The following KCND2 variants were observed in gnomAD, a reference collection of about 807,000 sequenced individuals.
KCND2 encodes the protein A-type voltage-gated potassium channel KCND2.
A neutral mutation model predicts 54.4 loss-of-function variants in KCND2; 16 were observed. That is an observed-to-expected ratio of 0.29 (90% CI 0.20 to 0.45). The LOEUF (loss-of-function observed/expected upper bound fraction) is 0.45, where lower values mean the gene tolerates loss of function less well. KCND2 is among the 20% of genes least tolerant of loss of function. The probability of loss-of-function intolerance (pLI) is 1.00; values close to 1 mark genes in which losing one functional copy is unlikely to be tolerated. For synonymous variants in KCND2, 317 were observed against 310.7 expected (o/e 1.02, Z -0.21); for missense variants, 486 against 824.2 (o/e 0.59, Z 5.02).
intron 1 of KCND2, among the ~76,000 whole-genome samples, chr7:120,473,558 G>T (rs1343335728): frequency 1.3e-5 from 2 of 152,106 alleles, no homozygotes; most frequent in Non-Finnish European, 2.9e-5. Context: ...CTATTCTTGT[G>T]TCAGGATAGC....
intron 1 of KCND2, among the ~76,000 whole-genome samples, chr7:120,352,686 C>T (rs999109275): frequency 3.9e-5 from 6 of 152,084 alleles, no homozygotes; most frequent in Admixed American, 6.6e-5. Flanking sequence ...TCTTGTTATA[C>T]AATTTAGCTT....
At chr7:120,651,829 A>C (rs1028233026) in intron 1 of KCND2, among the ~76,000 whole-genome samples, 1 of 152,140 alleles carries the variant, frequency 6.6e-6, no homozygotes, top group African/African-American at 2.4e-5. Context: ...TCCACCTTAA[A>C]TTAAGTATCT....
chr7:120,391,540 G>A (rs760276532), intron 1 of KCND2, among the ~76,000 whole-genome samples: 1 of 152,002 alleles, frequency 6.6e-6, no homozygotes, highest in African/African-American at 2.4e-5. Flanking sequence ...CCAACAGTGT[G>A]AAAGAGTCCC....
chr7:120,696,174 T>C (rs1792330829), intron 1 of KCND2, among the ~76,000 whole-genome samples: 1 of 152,188 alleles, frequency 6.6e-6, no homozygotes, highest in Admixed American at 6.5e-5. Context: ...CAACCCAATA[T>C]TATATTATTT....
At position 120,732,886 on chromosome 7, in the gene KCND2, T is replaced by C. The variant is rs1792824909; in HGVS notation, c.1116-17T>C. 6.2e-7 allele frequency: 1 copy of C among 1,604,218 alleles called. No homozygotes were observed. The highest frequency in any genetic ancestry group is 1.3e-5 in the African/African-American group (1 of 74,678). On this transcript the variant is annotated splice_polypyrimidine_tract_variant and intron_variant, in intron 1 of 5. Coordinates refer to ENST00000331113, the MANE Select transcript of KCND2 (RefSeq NM_012281.3). ...TGTGACTTAAAACAATATATATATA[T>C]TTTTTCTTTAACTCAGGTATGGTGA...
chr7:120,443,782 T>C (rs1801979131), intron 1 of KCND2, among the ~76,000 whole-genome samples: 1 of 151,996 alleles, frequency 6.6e-6, no homozygotes. Context: ...TCAACTGGAG[T>C]GCTTTTGGCT....
At chr7:120,393,523 A>C (rs993278532) in intron 1 of KCND2, among the ~76,000 whole-genome samples, 2 of 151,982 alleles carry the variant, frequency 1.3e-5, no homozygotes, top group African/African-American at 4.8e-5. Flanking sequence ...GACGTCTACA[A>C]TGTTGTAGGT....
intron 1 of KCND2, among the ~76,000 whole-genome samples, chr7:120,704,290 A>G (rs1039825996): frequency 2.6e-5 from 4 of 152,164 alleles, no homozygotes; most frequent in Non-Finnish European, 4.4e-5. Flanking sequence ...GAATTTCATA[A>G]TATTCTGGTT....
chr7:120,361,216 GA>G (rs35240707), intron 1 of KCND2, among the ~76,000 whole-genome samples: 1 of 151,572 alleles, frequency 6.6e-6, no homozygotes, highest in Non-Finnish European at 1.5e-5. Flanking sequence ...CCTTAACCTT[GA>G]AAAAAAGGGG....
At chr7:120,564,268 A>G (rs1254321677) in intron 1 of KCND2, among the ~76,000 whole-genome samples, 1 of 152,176 alleles carries the variant, frequency 6.6e-6, no homozygotes, top group Admixed American at 6.5e-5. Flanking sequence ...AGCTGCTTTT[A>G]CAAGCAGCTT....
At chr7:120,571,868 CT>C (rs1458551767) in intron 1 of KCND2, among the ~76,000 whole-genome samples, 1 of 152,170 alleles carries the variant, frequency 6.6e-6, no homozygotes, top group African/African-American at 2.4e-5. Context: ...AACTAGAATA[CT>C]TTTTCTTCTT....
intron 1 of KCND2, among the ~76,000 whole-genome samples, chr7:120,678,521 T>C (rs932581389): frequency 6.8e-6 from 1 of 147,466 alleles, no homozygotes; most frequent in Non-Finnish European, 1.5e-5. Flanking sequence ...TATACATACA[T>C]ACACATAAAT....
At chr7:120,281,442 A>C (rs374788411) in intron 1 of KCND2, among the ~76,000 whole-genome samples, 2 of 127,380 alleles carry the variant, frequency 1.6e-5, no homozygotes, top group African/African-American at 5.7e-5. Flanking sequence ...AAAAAAAAAA[A>C]CCCCAGGGTG....
intron 1 of KCND2, among the ~76,000 whole-genome samples, chr7:120,517,260 G>A (rs1803209193): frequency 1.3e-5 from 2 of 151,992 alleles, no homozygotes; most frequent in Admixed American, 6.6e-5. Context: ...ACTGATGAGA[G>A]TCAGACTTTG....
intron 1 of KCND2, among the ~76,000 whole-genome samples, chr7:120,310,681 C>G (rs1331721760): frequency 6.6e-6 from 1 of 151,946 alleles, no homozygotes; most frequent in Non-Finnish European, 1.5e-5. Context: ...CGTGGTGGCT[C>G]ATCCCAGCAC....
At chr7:120,645,212 C>T (rs1793424431) in intron 1 of KCND2, among the ~76,000 whole-genome samples, 2 of 152,154 alleles carry the variant, frequency 1.3e-5, no homozygotes, top group African/African-American at 4.8e-5. Flanking sequence ...ATAAGCCGGC[C>T]GCTTGATAAA....
intron 1 of KCND2, among the ~76,000 whole-genome samples, chr7:120,707,790 G>A (rs1416514011): frequency 6.6e-6 from 1 of 152,044 alleles, no homozygotes; most frequent in Non-Finnish European, 1.5e-5. Context: ...GGCTCTGGGT[G>A]GTCAAGGAAT....
At chr7:120,452,840 G>T (rs953289393) in intron 1 of KCND2, among the ~76,000 whole-genome samples, 3 of 152,172 alleles carry the variant, frequency 2.0e-5, no homozygotes, top group African/African-American at 7.2e-5. Flanking sequence ...TAGCCATGGG[G>T]TAACTGTAGG....
intron 1 of KCND2, among the ~76,000 whole-genome samples, chr7:120,505,231 A>G (rs1244914738): frequency 2.6e-5 from 4 of 151,776 alleles, no homozygotes; most frequent in Non-Finnish European, 2.9e-5. Flanking sequence ...GCCAAAGATA[A>G]CAACATTCTG....
Sources: allele counts gnomAD v4.1 joint callset (sites outside exome capture counted in the v4.1 genomes callset), GRCh38; gene constraint gnomAD v4.1.1; transcripts MANE v1.5; gene names NCBI Gene and HGNC (gene_info 2026-07-23, HGNC 2026-07-21).